Variants in CACNA2D3 observed in about 807,000 individuals in gnomAD.
The protein encoded by CACNA2D3 is voltage-dependent calcium channel subunit alpha-2/delta-3.
Under a neutral mutation model 160.6 loss-of-function variants are expected in CACNA2D3, and 60 were observed. The ratio of observed to expected loss-of-function variants is 0.37; its 90% CI spans 0.30 to 0.46. The LOEUF (loss-of-function observed/expected upper bound fraction) is 0.46, where lower values mean the gene tolerates loss of function less well. Ranked by LOEUF, CACNA2D3 falls within the 20% of genes least tolerant of loss-of-function variation. The pLI is 1.00. For missense variants in CACNA2D3, 1,205 were observed against 1,365.0 expected (o/e 0.88, Z 1.85); for synonymous variants, 558 against 492.9 (o/e 1.13, Z -1.75).
Position 54,460,965 on chromosome 3 carries a change from C to A in CACNA2D3, c.382-42527C>A, listed in dbSNP as rs868784010. ...GATACGTCCCATCAGTACCTAATTT[C>A]TTGAGAGTTTTTAGCATGAAGAGTT... On this transcript the variant is annotated intron_variant, in intron 4 of 37. Transcript: ENST00000474759. 5.5e-4 allele frequency among the ~76,000 whole-genome samples: 83 copies of A among 152,148 alleles called. 1 individual carries two copies. The highest frequency in any genetic ancestry group is 6.8e-3 in the Middle Eastern group (2 of 294).
intron 35 of CACNA2D3, among the ~76,000 whole-genome samples, chr3:55,057,019 C>G (rs1704377188): frequency 1.3e-5 from 2 of 152,104 alleles, no homozygotes; most frequent in Non-Finnish European, 2.9e-5. Context: ...GTGTCCCTGC[C>G]CAAATCTCAT....
At chr3:54,140,301 T>C (rs1242323935) in intron 2 of CACNA2D3, among the ~76,000 whole-genome samples, 1 of 152,158 alleles carries the variant, frequency 6.6e-6, no homozygotes, top group Admixed American at 6.5e-5. Context: ...AAATACTGGA[T>C]GCAGTGGGTG....
intron 31 of CACNA2D3, among the ~76,000 whole-genome samples, chr3:55,000,735 G>T (rs373993121): frequency 1.2e-3 from 185 of 152,260 alleles, no homozygotes; most frequent in African/African-American, 4.0e-3. Flanking sequence ...GTATTCACAA[G>T]TGCAGCCAGC....
chr3:54,377,301 C>T (rs1351933983), intron 3 of CACNA2D3, among the ~76,000 whole-genome samples: 2 of 152,166 alleles, frequency 1.3e-5, no homozygotes, highest in Non-Finnish European at 2.9e-5. Context: ...AGCAGATGCA[C>T]AGCCTTGTGT....
chr3:54,499,477 A>G (rs1334442075), intron 4 of CACNA2D3, among the ~76,000 whole-genome samples: 1 of 152,024 alleles, frequency 6.6e-6, no homozygotes, highest in Non-Finnish European at 1.5e-5. Flanking sequence ...TTCTTTTTCT[A>G]GTTTTCTAAA....
chr3:54,574,525 T>G (rs1056376573), intron 8 of CACNA2D3, among the ~76,000 whole-genome samples: 1 of 152,244 alleles, frequency 6.6e-6, no homozygotes, highest in Non-Finnish European at 1.5e-5. Context: ...ATGGACAAAC[T>G]AACTGATTGA....
chr3:54,976,428 C>T (rs1350955057), intron 29 of CACNA2D3, among the ~76,000 whole-genome samples: 1 of 151,904 alleles, frequency 6.6e-6, no homozygotes, highest in Non-Finnish European at 1.5e-5. Context: ...CACATGTATA[C>T]ATATGTAACT....
Position 54,588,115 on chromosome 3 carries a change from C to T in CACNA2D3, c.963+6238C>T, listed in dbSNP as rs373006931. ...ATGTATATAAAAAATAATATGCTAC[C>T]TGCAAGCAGGATTATTGAGATATGC... On this transcript the variant is annotated intron_variant, in intron 9 of 37. Transcript: ENST00000474759. Among the ~76,000 whole-genome samples, 9 of 152,304 alleles carry T rather than the reference C, an allele frequency of 5.9e-5. No homozygotes were observed. The East Asian group carries it at 1.2e-3, about 20-fold the overall frequency.
intron 27 of CACNA2D3, among the ~76,000 whole-genome samples, chr3:54,932,862 G>A (rs1701225736): frequency 6.6e-6 from 1 of 152,236 alleles, no homozygotes. Context: ...ATAGTGGGGA[G>A]TAGGCCCTTG....
Position 54,771,272 on chromosome 3 carries a change from C to G in CACNA2D3, c.1380+6921C>G, listed in dbSNP as rs191114578. On this transcript the variant is annotated intron_variant, in intron 13 of 37. Coordinates refer to ENST00000474759, the MANE Select transcript of CACNA2D3 (RefSeq NM_018398.3). Reference sequence around the variant, plus strand: ...GGTCAGCATCACCTGTATGGCTCTGCTAGTTCTCTACTGCCCTTTAACAAA... The same window carrying G: ...GGTCAGCATCACCTGTATGGCTCTGGTAGTTCTCTACTGCCCTTTAACAAA... 1.5e-4 allele frequency among the ~76,000 whole-genome samples: 23 copies of G among 152,292 alleles called. 1 individual carries two copies. The highest frequency in any genetic ancestry group is 6.8e-3 in the Middle Eastern group (2 of 294).
chr3:54,992,281 A>G (rs1364766114), intron 31 of CACNA2D3, among the ~76,000 whole-genome samples: 1 of 152,202 alleles, frequency 6.6e-6, no homozygotes, highest in African/African-American at 2.4e-5. Flanking sequence ...CTTTGCAGCA[A>G]AATAGGATGA....
intron 6 of CACNA2D3, among the ~76,000 whole-genome samples, chr3:54,565,580 C>A (rs972564999): frequency 6.6e-6 from 1 of 152,058 alleles, no homozygotes; most frequent in African/African-American, 2.4e-5. Flanking sequence ...ATGTCACTGG[C>A]CACACAGGGG....
chr3:54,508,839 C>G (rs369578401), intron 5 of CACNA2D3, among the ~76,000 whole-genome samples: 165 of 152,246 alleles, frequency 1.1e-3, no homozygotes, highest in African/African-American at 3.9e-3. Flanking sequence ...GAAAAGAGCT[C>G]CAGGAAAGGG....
At chr3:55,059,771 CTCAGTGGGATGGA>C (rs2107218914) in intron 35 of CACNA2D3, among the ~76,000 whole-genome samples, 1 of 152,166 alleles carries the variant, frequency 6.6e-6, no homozygotes, top group African/African-American at 2.4e-5. Flanking sequence ...AGAGGTGGCA[CTCAGTGGGATGGA>C]TTGGGGGGTG....
chr3:54,378,121 C>G (rs1053518152), intron 3 of CACNA2D3, among the ~76,000 whole-genome samples: 2 of 152,122 alleles, frequency 1.3e-5, no homozygotes, highest in Admixed American at 6.5e-5. Context: ...TAGGAAATTT[C>G]CTTTCATTTT....
intron 3 of CACNA2D3, among the ~76,000 whole-genome samples, chr3:54,381,899 A>G (rs1288402975): frequency 6.6e-6 from 1 of 152,158 alleles, no homozygotes; most frequent in Non-Finnish European, 1.5e-5. Context: ...ATGTGCATCA[A>G]CTCATGAATT....
intron 4 of CACNA2D3, among the ~76,000 whole-genome samples, chr3:54,491,787 T>G (rs1701114960): frequency 6.6e-6 from 1 of 152,156 alleles, no homozygotes; most frequent in Non-Finnish European, 1.5e-5. Context: ...CTGCAAAACC[T>G]AAAATATTTA....
intron 3 of CACNA2D3, among the ~76,000 whole-genome samples, chr3:54,348,677 G>C (rs988523516): frequency 4.6e-5 from 7 of 152,158 alleles, no homozygotes; most frequent in African/African-American, 7.2e-5. Context: ...TTTCTTTTCT[G>C]TCAAGAAGAG....
chr3:54,135,412 T>TTGCATC (rs2107259541), intron 2 of CACNA2D3, among the ~76,000 whole-genome samples: 1 of 152,304 alleles, frequency 6.6e-6, no homozygotes, highest in East Asian at 1.9e-4. Flanking sequence ...TTATTTGCAT[T>TTGCATC]TGCATCCTGC....
Sources: allele counts gnomAD v4.1 joint callset (sites outside exome capture counted in the v4.1 genomes callset), GRCh38; gene constraint gnomAD v4.1.1; transcripts MANE v1.5; gene names NCBI Gene and HGNC (gene_info 2026-07-23, HGNC 2026-07-21).